TWIST2: variants seen among roughly 807,000 people sequenced by gnomAD.
TWIST2 encodes twist family bHLH transcription factor 2.
A neutral mutation model predicts 11.6 loss-of-function variants in TWIST2; 1 was observed. That is an observed-to-expected ratio of 0.09 (90% CI 0.03 to 0.41). TWIST2 has a LOEUF of 0.41. TWIST2 is among the 10% of genes least tolerant of loss of function. The probability of loss-of-function intolerance (pLI) is 0.98; values close to 1 mark genes in which losing one functional copy is unlikely to be tolerated. For missense variants in TWIST2, 168 were observed against 226.4 expected, an observed-to-expected ratio of 0.74 and a Z score of 1.66; for synonymous variants, 87 against 96.6, an observed-to-expected ratio of 0.90 and a Z score of 0.58.
chr2:238,858,252 C>T (rs188818379), intron 1 of TWIST2, among the ~76,000 whole-genome samples: 83 of 152,256 alleles, frequency 5.5e-4, no homozygotes, highest in Non-Finnish European at 9.6e-4. Flanking sequence ...CAATGTGAAA[C>T]CATAATTAAC....
intron 1 of TWIST2, among the ~76,000 whole-genome samples, chr2:238,874,327 T>G (rs899162770): frequency 1.3e-5 from 2 of 152,234 alleles, no homozygotes; most frequent in African/African-American, 4.8e-5. Context: ...TCAACTTTCC[T>G]GCTGTGGGCA....
At chr2:238,908,236 A>G (rs1216967799) in intron 1 of TWIST2, among the ~76,000 whole-genome samples, 2 of 142,200 alleles carry the variant, frequency 1.4e-5, no homozygotes, top group African/African-American at 2.6e-5. Context: ...ACAAAATACA[A>G]TCCCCCAAAC....
intron 1 of TWIST2, among the ~76,000 whole-genome samples, chr2:238,870,772 C>G (rs1240830311): frequency 2.5e-5 from 1 of 39,600 alleles, no homozygotes; most frequent in Non-Finnish European, 5.0e-5. Context: ...CCCACACACA[C>G]AGTACACACT....
At position 238,848,190 on chromosome 2, in the gene TWIST2, A is replaced by G; in HGVS notation, c.-26A>G. On this transcript the variant is annotated 5_prime_UTR_variant, in exon 1 of 2. Transcript: ENST00000612363. ...GCGCGCTCGGCGCCCCGGCGCCCCC[A>G]GCCCCACGCGCGCCGGGCGGGCGCC... The G allele has an allele frequency of 7.9e-7, 1 of 1,262,560 alleles. No homozygotes were observed. The highest frequency in any genetic ancestry group is 9.9e-7 in the Non-Finnish European group (1 of 1,006,758). The allele number at this position is 1,262,560 out of a possible 1,614,324, so 78.2% of individuals were successfully genotyped here.
intron 1 of TWIST2, among the ~76,000 whole-genome samples, chr2:238,874,238 A>G (rs1409954372): frequency 2.6e-5 from 4 of 152,202 alleles, no homozygotes; most frequent in African/African-American, 9.7e-5. Context: ...CAACTTGGGA[A>G]CACGGCTACC....
chr2:238,850,652 A>G (rs984795733), intron 1 of TWIST2, among the ~76,000 whole-genome samples: 3 of 152,354 alleles, frequency 2.0e-5, no homozygotes, highest in East Asian at 3.9e-4. Flanking sequence ...TAACCATTAA[A>G]GATTATAGAA....
chr2:238,906,694 C>G (rs1256737521), intron 1 of TWIST2, among the ~76,000 whole-genome samples: 2 of 152,170 alleles, frequency 1.3e-5, no homozygotes, highest in Admixed American at 1.3e-4. Flanking sequence ...CCACGTCACC[C>G]GTCCCTCCAG....
At position 238,866,377 on chromosome 2, in the gene TWIST2, G is replaced by A. The variant is rs1193808344; in HGVS notation, c.*35+17644G>A. ...CTTGTTCTTAAAGCATGGCACCTTC[G>A]GCCAGGCACAGTGGCTCACACCTGT... On this transcript the variant is annotated intron_variant, in intron 1 of 1. Coordinates refer to ENST00000612363, the MANE Select transcript of TWIST2 (RefSeq NM_001271893.4). This position sits in a 1 kb window ranked among gnomAD's most constrained non-coding sequence, Gnocchi z 4.9. Among the ~76,000 whole-genome samples the A allele has an allele frequency of 6.6e-6, 1 of 152,168 alleles. No individual in the cohort carries two copies. Among genetic ancestry groups the A allele is most frequent in the Non-Finnish European group, 1.5e-5 (1 of 68,040 alleles).
intron 1 of TWIST2, among the ~76,000 whole-genome samples, chr2:238,873,761 A>G (rs1692754540): frequency 1.3e-5 from 2 of 152,178 alleles, no homozygotes; most frequent in Non-Finnish European, 2.9e-5. Context: ...AGGCTTGATG[A>G]GTGGGCCTGA....
intron 1 of TWIST2, among the ~76,000 whole-genome samples, chr2:238,899,932 C>T (rs1693249193): frequency 1.3e-5 from 2 of 151,818 alleles, no homozygotes; most frequent in African/African-American, 4.8e-5. Context: ...TGCTGGGAAC[C>T]TGAAGTGCTC....
intron 1 of TWIST2, among the ~76,000 whole-genome samples, chr2:238,892,532 G>A (rs1182620297): frequency 2.6e-5 from 4 of 152,100 alleles, no homozygotes; most frequent in African/African-American, 9.7e-5. Context: ...CCAGGCTGGA[G>A]TGCAGTGGCG....
intron 1 of TWIST2, among the ~76,000 whole-genome samples, chr2:238,868,263 G>C (rs1479475045): frequency 1.3e-5 from 2 of 152,172 alleles, no homozygotes; most frequent in Non-Finnish European, 2.9e-5. Context: ...CCCTCTCTGG[G>C]GTGCAGACAA....
At chr2:238,856,876 T>C (rs1692340060) in intron 1 of TWIST2, among the ~76,000 whole-genome samples, 2 of 152,184 alleles carry the variant, frequency 1.3e-5, no homozygotes, top group Non-Finnish European at 2.9e-5. Context: ...GGGAGGCCGC[T>C]GCAGACACAG....
chr2:238,869,244 T>G (rs571303116), intron 1 of TWIST2, among the ~76,000 whole-genome samples: 2 of 152,242 alleles, frequency 1.3e-5, no homozygotes, highest in African/African-American at 2.4e-5. Context: ...CACAGGCCAC[T>G]GCAGCTTGTT....
intron 1 of TWIST2, among the ~76,000 whole-genome samples, chr2:238,902,851 GTGTGATGGGTA>G (rs1693290825): frequency 1.4e-5 from 2 of 141,794 alleles, no homozygotes; most frequent in Admixed American, 7.1e-5. Context: ...GATGTGGGGT[GTGTGATGGGTA>G]TGTGCGTGAT....
chr2:238,855,507 G>A (rs1207431516), intron 1 of TWIST2, among the ~76,000 whole-genome samples: 1 of 152,176 alleles, frequency 6.6e-6, no homozygotes, highest in Admixed American at 6.5e-5. Flanking sequence ...ATCTGCATGC[G>A]TAGATGGGAA....
intron 1 of TWIST2, among the ~76,000 whole-genome samples, chr2:238,859,794 C>G (rs1692399097): frequency 6.6e-6 from 1 of 152,170 alleles, no homozygotes; most frequent in African/African-American, 2.4e-5. Flanking sequence ...CACACACACA[C>G]ATGCATGCAC....
At chr2:238,870,329 C>G in intron 1 of TWIST2, among the ~76,000 whole-genome samples, 1 of 14,748 alleles carries the variant, frequency 6.8e-5, no homozygotes, top group African/African-American at 2.5e-4. Context: ...CCACACACCC[C>G]ACACACCCCA....
At chr2:238,885,626 A>G (rs924372354) in intron 1 of TWIST2, among the ~76,000 whole-genome samples, 2 of 152,160 alleles carry the variant, frequency 1.3e-5, no homozygotes, top group African/African-American at 4.8e-5. Context: ...CACCATCAGG[A>G]GCCCCAAGAG....
Sources: allele counts gnomAD v4.1 joint callset (sites outside exome capture counted in the v4.1 genomes callset), GRCh38; gene constraint gnomAD v4.1.1; non-coding constraint Gnocchi (gnomAD v3.1); transcripts MANE v1.5; gene names NCBI Gene and HGNC (gene_info 2026-07-23, HGNC 2026-07-21).